TGFBR3: variants seen among roughly 807,000 people sequenced by gnomAD.
TGFBR3 encodes the protein transforming growth factor beta receptor 3, also known as transforming growth factor beta receptor type 3.
A neutral mutation model predicts 87.9 loss-of-function variants in TGFBR3; 46 were observed. The ratio of observed to expected loss-of-function variants is 0.52; its 90% confidence interval spans 0.41 to 0.67. TGFBR3 has a LOEUF of 0.67. TGFBR3 is among the 30% of genes least tolerant of loss of function. The pLI, the probability that TGFBR3 is intolerant of heterozygous loss-of-function variation, is 0.00. For missense variants in TGFBR3, 866 were observed against 1,041.9 expected (o/e 0.83, Z 2.32); for synonymous variants, 381 against 391.6 (o/e 0.97, Z 0.32).
At position 91,708,654 on chromosome 1, in the gene TGFBR3, A is replaced by G; in HGVS notation, c.2287+9T>C. 2 of 1,614,002 alleles carry G rather than the reference A, an allele frequency of 1.2e-6. No homozygotes were observed. Among genetic ancestry groups the G allele is most frequent in the South Asian group, 2.2e-5 (2 of 91,084 alleles). On this transcript the variant is annotated intron_variant, in intron 14 of 16. Coordinates refer to ENST00000212355, the MANE Select transcript of TGFBR3 (RefSeq NM_003243.5). ...GCCCCATGCTCTGATCGTGCCTCCC[A>G]AAGCACACCTTTAGATTCTGCTTCA...
chr1:91,843,276 T>G (rs147428861), intron 2 of TGFBR3, among the ~76,000 whole-genome samples: 1 of 152,234 alleles, frequency 6.6e-6, no homozygotes, highest in Admixed American at 6.5e-5. Context: ...AGCGCTCTCA[T>G]GAATGGTATG....
At chr1:91,801,690 T>C (rs568410335) in intron 2 of TGFBR3, among the ~76,000 whole-genome samples, 1 of 152,294 alleles carries the variant, frequency 6.6e-6, no homozygotes, top group Admixed American at 6.5e-5. Context: ...CTCTACATGT[T>C]GAAACTTTTC....
At chr1:91,905,780 T>C (rs1459141819) in intron 1 of TGFBR3, 2 of 152,210 alleles carry the variant, frequency 1.3e-5, no homozygotes, top group Non-Finnish European at 2.9e-5. Context: ...TTGCAAATGA[T>C]GGAAATTCAA....
chr1:91,726,446 C>T (rs1427435045), intron 7 of TGFBR3, among the ~76,000 whole-genome samples: 3 of 151,470 alleles, frequency 2.0e-5, no homozygotes, highest in Non-Finnish European at 4.4e-5. Flanking sequence ...GACTTCAGAT[C>T]ATGGCTAGGC....
intron 4 of TGFBR3, among the ~76,000 whole-genome samples, chr1:91,738,312 T>A (rs185935325): frequency 6.6e-6 from 1 of 152,208 alleles, no homozygotes; most frequent in Non-Finnish European, 1.5e-5. Context: ...CTAATTGATA[T>A]AGTTTGCATA....
In TGFBR3 at chr1:91,818,277, C is replaced by CTTTTTTTT. The variant is rs1557726893; in HGVS notation, c.62-20807_62-20806insAAAAAAAA. ...CTGCACCATTTCCCCTTAGCCCCAG[C>CTTTTTTTT]CTTTTTTTTTTTTTTTTTTTTTTTT... On this transcript the variant is annotated intron_variant, in intron 2 of 16. Transcript: ENST00000212355. Among the ~76,000 whole-genome samples, 2 of 123,142 alleles carry CTTTTTTTT rather than the reference C, an allele frequency of 1.6e-5. 1 individual carries two copies. The allele number at this position is 123,142 out of a possible 152,430, so 80.8% of individuals were successfully genotyped here.
In TGFBR3 at chr1:91,758,708, G is replaced by T. The variant is rs1673841006; in HGVS notation, c.289C>A (p.His97Asn). 3 of 1,613,832 alleles carry T rather than the reference G, an allele frequency of 1.9e-6. No individual in the cohort carries two copies. The highest frequency in any genetic ancestry group is 2.7e-5 in the African/African-American group (2 of 74,868). ...LNPISSVHIH[H>N]KSVVFLLNSP... is the part of the protein sequence containing the mutation. ...TTGAGCAGGAACACAACAGACTTGT[G>T]GTGGATGTGGACTGAGGAGATGGGA... The change falls in exon 4 of 17, where the codon CAC becomes AAC. Residue 97 changes from histidine to asparagine, a missense_variant. Physicochemically the swap from His to Asn is moderately conservative, Grantham distance 68. Coordinates refer to ENST00000212355, the MANE Select transcript of TGFBR3 (RefSeq NM_003243.5).
chr1:91,777,170 C>T (rs1674594933), intron 3 of TGFBR3, among the ~76,000 whole-genome samples: 1 of 152,154 alleles, frequency 6.6e-6, no homozygotes, highest in Non-Finnish European at 1.5e-5. Flanking sequence ...TGAGGTAAAG[C>T]TAGAGGTTTC....
At chr1:91,841,991 C>T (rs1166438986) in intron 2 of TGFBR3, among the ~76,000 whole-genome samples, 1 of 150,992 alleles carries the variant, frequency 6.6e-6, no homozygotes, top group East Asian at 2.0e-4. Flanking sequence ...GCCCCAGCTA[C>T]TTGAGAGGCT....
intron 14 of TGFBR3, among the ~76,000 whole-genome samples, chr1:91,707,475 C>A (rs1384185425): frequency 6.6e-6 from 1 of 152,160 alleles, no homozygotes; most frequent in East Asian, 1.9e-4. Context: ...CCTAGTCTTG[C>A]CAAATCCCAA....
chr1:91,837,533 C>A lies in TGFBR3; in HGVS notation c.61+23938G>T, dbSNP rs575534469. Among the ~76,000 whole-genome samples the A allele has an allele frequency of 2.6e-3, 396 of 152,174 alleles. 1 individual carries two copies. Among genetic ancestry groups the A allele is most frequent in the African/African-American group, 9.0e-3 (373 of 41,534 alleles). On this transcript the variant is annotated intron_variant, in intron 2 of 16. Transcript: ENST00000212355. ...GGGATTACATGTGTGAGCCACCATG[C>A]CCGGCTGGTAAGTAAGGATATAATG...
chr1:91,794,213 T>TTG (rs1553167804), intron 3 of TGFBR3, among the ~76,000 whole-genome samples: 22 of 151,550 alleles, frequency 1.5e-4, no homozygotes, highest in African/African-American at 4.1e-4. Context: ...ACCTTTTTTT[T>TTG]TTGTTGTTGA....
intron 3 of TGFBR3, among the ~76,000 whole-genome samples, chr1:91,793,242 A>T (rs1471961244): frequency 6.6e-6 from 1 of 152,206 alleles, no homozygotes; most frequent in Non-Finnish European, 1.5e-5. Flanking sequence ...GAAGAACTTT[A>T]AGGCACCTGG....
At chr1:91,887,235 C>CTTTTTTTTTTT (rs1557764185), upstream of TGFBR3, among the ~76,000 whole-genome samples, 2 of 12,804 alleles carry the variant, frequency 1.6e-4, no homozygotes, top group Non-Finnish European at 3.1e-4. Context: ...TGGACCTATG[C>CTTTTTTTTTTT]CTTTTTTTTT....
At chr1:91,802,503 G>C (rs1310934284) in intron 2 of TGFBR3, among the ~76,000 whole-genome samples, 1 of 151,922 alleles carries the variant, frequency 6.6e-6, no homozygotes, top group African/African-American at 2.4e-5. Context: ...TAGGATTACA[G>C]GCGCCCGCCA....
At chr1:91,758,985 C>G (rs1021365200) in intron 3 of TGFBR3, among the ~76,000 whole-genome samples, 2 of 152,132 alleles carry the variant, frequency 1.3e-5, no homozygotes, top group African/African-American at 4.8e-5. Context: ...TAATCTCAAC[C>G]AAAGCATGAT....
intron 2 of TGFBR3, among the ~76,000 whole-genome samples, chr1:91,825,092 A>T (rs533736607): frequency 7.2e-5 from 11 of 152,358 alleles, no homozygotes; most frequent in Non-Finnish European, 1.3e-4. Context: ...AGAAATAAAA[A>T]CATAAGGATG....
At chr1:91,704,253 A>G (rs962562111) in intron 14 of TGFBR3, among the ~76,000 whole-genome samples, 1 of 151,234 alleles carries the variant, frequency 6.6e-6, no homozygotes, top group Non-Finnish European at 1.5e-5. Flanking sequence ...GCTTGAACCC[A>G]GGAGGTGGAG....
chr1:91,779,489 G>C (rs922968328), intron 3 of TGFBR3, among the ~76,000 whole-genome samples: 2 of 152,234 alleles, frequency 1.3e-5, no homozygotes, highest in Non-Finnish European at 2.9e-5. Context: ...GGATGGGCCA[G>C]AGGCCCACTG....
Sources: gnomAD v4.1 joint callset for allele counts (sites outside exome capture counted in the v4.1 genomes callset) on GRCh38, gnomAD v4.1.1 for gene constraint, MANE v1.5 for transcripts, NCBI Gene and HGNC (gene_info 2026-07-23, HGNC 2026-07-21) for gene names.